The following TOPAZ1 variants were observed in gnomAD, a reference collection of about 807,000 sequenced individuals.
TOPAZ1 encodes the protein protein TOPAZ1.
TOPAZ1 carries 66 observed loss-of-function variants against 172.2 expected under a neutral mutation model. The ratio of observed to expected loss-of-function variants is 0.38; its 90% CI spans 0.31 to 0.47. The LOEUF (loss-of-function observed/expected upper bound fraction) is 0.47. TOPAZ1 is among the 20% of genes least tolerant of loss of function. The pLI is 0.99. For missense variants in TOPAZ1, 1,822 were observed against 1,972.4 expected, an observed-to-expected ratio of 0.92 and a Z score of 1.44; for synonymous variants, 681 against 683.9, an observed-to-expected ratio of 1.00 and a Z score of 0.07.
In TOPAZ1 at chr3:44,328,260, CT is replaced by C; in HGVS notation, c.4688del (p.Leu1563TrpfsTer17). 6.7e-7 allele frequency: 1 copy of C among 1,484,654 alleles called. No individual in the cohort carries two copies. The highest frequency in any genetic ancestry group is 8.9e-7 in the Non-Finnish European group (1 of 1,122,426). 92.0% of individuals were successfully genotyped at this position (1,484,654 alleles called of 1,614,324 possible). On this transcript the variant is annotated frameshift_variant, in exon 19 of 20. Coordinates refer to ENST00000309765, the MANE Select transcript of TOPAZ1 (RefSeq NM_001145030.2). LOFTEE classifies it high-confidence loss of function. ...TATTTGATTTTTCAGGTGCTCTTTC[CT>C]TGGGTTGCTACCCACCATTGGAAGG... ...ARAHYKSALS[L>X]GCYPPLEGNL... is the part of the protein sequence containing the mutation.
downstream of TOPAZ1, among the ~76,000 whole-genome samples, chr3:44,332,635 A>G (rs896134436): frequency 1.3e-5 from 2 of 152,092 alleles, no homozygotes; most frequent in Admixed American, 6.6e-5. Flanking sequence ...TTCCAAACCA[A>G]TTTAGGAAGT....
At chr3:44,263,400 G>A (rs553724275) in intron 5 of TOPAZ1, among the ~76,000 whole-genome samples, 7 of 152,048 alleles carry the variant, frequency 4.6e-5, no homozygotes, top group Admixed American at 1.3e-4. Context: ...GACATTGATC[G>A]GTTAAGTCAT....
chr3:44,243,235 C>A lies in TOPAZ1; in HGVS notation c.729C>A (p.Asn243Lys), dbSNP rs1699509327. The A allele has an allele frequency of 1.9e-6, 3 of 1,550,410 alleles. No individual in the cohort carries two copies. Among genetic ancestry groups the A allele is most frequent in the Non-Finnish European group, 1.7e-6 (2 of 1,146,708 alleles). Residue 243 changes from asparagine to lysine, a missense_variant, in exon 2 of 20, where the codon AAC becomes AAA. By Grantham distance (94) the Asn-to-Lys change is moderately conservative. Transcript: ENST00000309765. ...PHSKGCNDEN[N>K]LPYKPDGGCM... ...CCAAGGGTTGTAATGATGAAAACAA[C>A]CTGCCATATAAACCTGATGGTGGAT...
rs544092199 is a variant in TOPAZ1 at position 44,244,189 on chromosome 3, T to A, written c.1683T>A (p.Ser561Arg). 7 of 1,550,266 alleles carry A rather than the reference T, an allele frequency of 4.5e-6. No individual in the cohort carries two copies. In the East Asian group the frequency reaches 1.5e-4, roughly 32 times the overall value. Residue 561 changes from serine to arginine, a missense_variant, in exon 2 of 20, where the codon AGT (serine) becomes AGA (arginine). This residue lies in a region of TOPAZ1 where 1,489 missense variants were observed against 1,490.8 expected (regional missense o/e 1.00). Transcript: ENST00000309765. ...SLTETNTESS[S>R]KEKLDSNSNC... ...CAGAAACAAACACTGAATCTTCAAG[T>A]AAAGAAAAATTAGATTCTAATTCTA...
Position 44,242,106 on chromosome 3 carries a change from A to G in TOPAZ1, c.53A>G (p.Asn18Ser), listed in dbSNP as rs1699484374. 1.1e-5 allele frequency: 17 copies of G among 1,547,992 alleles called. No homozygotes were observed. Among genetic ancestry groups the G allele is most frequent in the Admixed American group, 7.9e-5 (4 of 50,952 alleles). Residue 18 changes from asparagine (N) to serine (S), a missense_variant, in exon 1 of 20, where the codon AAT becomes AGT. This residue lies in a region of TOPAZ1 where 1,489 missense variants were observed against 1,490.8 expected (regional missense o/e 1.00). Transcript: ENST00000309765. ...ACGACGGCCTCAGGGCCTGAAGGCA[A>G]TGTGCGAAACCTGCAGAAGCGGCAG... is the stretch of plus-strand genomic sequence containing the variant. ...GPTTASGPEG[N>S]VRNLQKRQAP...
At chr3:44,282,189 G>C (rs55804649) in intron 9 of TOPAZ1, among the ~76,000 whole-genome samples, 158 bp downstream of exon 9, 2,000 of 152,070 alleles carry the variant, frequency 0.013, 50 homozygotes, top group African/African-American at 0.045. Context: ...GAGATATTTT[G>C]GTTAATAAAA....
intron 8 of TOPAZ1, among the ~76,000 whole-genome samples, chr3:44,281,486 T>C (rs1700023220): frequency 6.6e-6 from 1 of 152,232 alleles, no homozygotes; most frequent in South Asian, 2.1e-4. Flanking sequence ...CATGAAAATG[T>C]TCTATGTTTT....
chr3:44,273,354 A>G (rs1403211688), intron 8 of TOPAZ1, among the ~76,000 whole-genome samples: 1 of 152,242 alleles, frequency 6.6e-6, no homozygotes, highest in African/African-American at 2.4e-5. Flanking sequence ...TATATTCTAG[A>G]AGACCTCTGC....
rs1276173806 is a variant in TOPAZ1 at position 44,245,035 on chromosome 3, G to T, written c.2529G>T (p.Lys843Asn). The T allele has an allele frequency of 6.4e-7, 1 of 1,551,494 alleles. No homozygotes were observed. The highest frequency in any genetic ancestry group is 2.4e-5 in the East Asian group (1 of 40,928). The change falls in exon 2 of 20, where the codon AAG becomes AAT. Residue 843 changes from lysine (K) to asparagine (N), a missense_variant. Lys to Asn is a moderately conservative substitution (Grantham distance 94, BLOSUM62 0). Around this residue, in one of 2 missense-constraint regions of TOPAZ1, gnomAD observed 1,489 missense variants for 1,490.8 expected, o/e 1.00. Coordinates refer to ENST00000309765, the MANE Select transcript of TOPAZ1 (RefSeq NM_001145030.2). ...AAGTTAGGGGTAGAAAAATAACTAA[G>T]AATTTTTCAGAGGTAGGGTTTCCAG... ...SSEVRGRKIT[K>N]NFSEVGFPDI...
At chr3:44,270,305 T>C (rs1699881637) in intron 7 of TOPAZ1, among the ~76,000 whole-genome samples, 1 of 152,202 alleles carries the variant, frequency 6.6e-6, no homozygotes. Flanking sequence ...GAGGAATGTG[T>C]ACATTTTTTT....
At chr3:44,261,208 C>T (rs558972328) in intron 4 of TOPAZ1, among the ~76,000 whole-genome samples, 5 of 151,670 alleles carry the variant, frequency 3.3e-5, no homozygotes, top group East Asian at 3.9e-4. Flanking sequence ...GGTAGGTCCT[C>T]GGTTTGTTAT....
chr3:44,268,407 T>C (rs1699856049), intron 6 of TOPAZ1, among the ~76,000 whole-genome samples: 1 of 140,112 alleles, frequency 7.1e-6, no homozygotes, highest in Non-Finnish European at 1.5e-5. Flanking sequence ...AGAGTCTCAC[T>C]CTATAGCCCA....
intron 11 of TOPAZ1, 48 bp from the exon 12 acceptor site, chr3:44,290,723 C>A: frequency 8.2e-7 from 1 of 1,222,810 alleles, no homozygotes. Context: ...CTCCTCAATT[C>A]TGTCACATTT....
chr3:44,251,962 AT>A (rs952976624), intron 2 of TOPAZ1, among the ~76,000 whole-genome samples: 10 of 151,316 alleles, frequency 6.6e-5, no homozygotes, highest in South Asian at 2.1e-4. Flanking sequence ...TCACTTTATG[AT>A]TTTTTTTTCA....
At chr3:44,260,524 T>G (rs181217815) in intron 4 of TOPAZ1, among the ~76,000 whole-genome samples, 1 of 152,232 alleles carries the variant, frequency 6.6e-6, no homozygotes, top group East Asian at 1.9e-4. Flanking sequence ...TAGGGTTTTT[T>G]GGTGTTACTT....
In TOPAZ1 at chr3:44,242,351, C is replaced by T. The variant is rs13314833; in HGVS notation, c.298C>T (p.Leu100=). Residue 100 remains leucine, a synonymous_variant, in exon 1 of 20, where the codon CTA becomes TTA. Coordinates refer to ENST00000309765, the MANE Select transcript of TOPAZ1 (RefSeq NM_001145030.2). ...SPSDSSDPRG[L]EAAKEAELPL... ...GTCAGACTCGTCAGACCCGCGAGGC[C>T]TAGAAGCAGCAAAGGAGGCTGAACT... 2.6e-3 allele frequency: 4,017 copies of T among 1,552,294 alleles called. 65 individuals are homozygous for T. The African/African-American group carries it at 0.043, about 17-fold the overall frequency.
At chr3:44,310,709 C>G (rs1486130729) in intron 16 of TOPAZ1, among the ~76,000 whole-genome samples, 1 of 152,206 alleles carries the variant, frequency 6.6e-6, no homozygotes, top group Admixed American at 6.5e-5. Flanking sequence ...CAAATCCAGA[C>G]AATCCAGCTT....
intron 18 of TOPAZ1, among the ~76,000 whole-genome samples, chr3:44,327,930 G>T (rs1283181768): frequency 1.3e-5 from 2 of 152,026 alleles, no homozygotes; most frequent in East Asian, 3.9e-4. Context: ...TTTTAGTAGG[G>T]ATGGGGTTTC....
At position 44,262,448 on chromosome 3, in the gene TOPAZ1, A is replaced by G; in HGVS notation, c.2985A>G (p.Lys995=). 1 of 1,488,302 alleles carries G rather than the reference A, an allele frequency of 6.7e-7. No homozygotes were observed. The highest frequency in any genetic ancestry group is 9.1e-7 in the Non-Finnish European group (1 of 1,093,856). The allele number at this position is 1,488,302 out of a possible 1,614,324, so 92.2% of individuals were successfully genotyped here. The change falls in exon 5 of 20, where the codon AAA becomes AAG. Residue 995 remains lysine, a synonymous_variant. Transcript: ENST00000309765. Reference sequence around the variant, plus strand: ...GATTTACAGACAAAGTGATTACCAAAGAAGAAAAAGAAAATATTTATGAAG... The same window carrying G: ...GATTTACAGACAAAGTGATTACCAAGGAAGAAAAAGAAAATATTTATGAAG... The part of the protein sequence containing the change: ...KHRFTDKVIT[K]EEKENIYEVC...
Sources: gnomAD v4.1 joint callset for allele counts (sites outside exome capture counted in the v4.1 genomes callset) on GRCh38, gnomAD v4.1.1 for gene constraint, gnomAD v4.1.1 regional missense constraint, MANE v1.5 for transcripts, NCBI Gene and HGNC (gene_info 2026-07-23, HGNC 2026-07-21) for gene names.